The following RBFOX1 variants were observed in gnomAD, a reference collection of about 807,000 sequenced individuals.
The protein encoded by RBFOX1 is RNA binding fox-1 homolog 1, also known as RNA binding protein fox-1 homolog 1.
A neutral mutation model predicts 57.7 loss-of-function variants in RBFOX1; 8 were observed. The ratio of observed to expected loss-of-function variants is 0.14; its 90% CI spans 0.08 to 0.25. The LOEUF (loss-of-function observed/expected upper bound fraction) is 0.25, where lower values mean the gene tolerates loss of function less well. Ranked by LOEUF, RBFOX1 falls within the 10% of genes least tolerant of loss-of-function variation. RBFOX1 has a pLI of 1.00. For missense variants in RBFOX1, 611 were observed against 548.5 expected (o/e 1.11, Z -1.14); for synonymous variants, 326 against 222.4 (o/e 1.47, Z -4.15).
intron 4 of RBFOX1, among the ~76,000 whole-genome samples, chr16:7,350,626 C>A (rs1239956734): frequency 6.6e-6 from 1 of 152,154 alleles, no homozygotes; most frequent in South Asian, 2.1e-4. Context: ...AGCTAGTATG[C>A]ATGGTACTGG....
chr16:7,553,633 G>C (rs1364736062), intron 5 of RBFOX1, among the ~76,000 whole-genome samples: 1 of 152,142 alleles, frequency 6.6e-6, no homozygotes, highest in Non-Finnish European at 1.5e-5. Context: ...CACTTGAAAG[G>C]TGCACAACTC....
intron 1 of RBFOX1, among the ~76,000 whole-genome samples, chr16:5,247,824 G>A (rs1442459463): frequency 2.6e-5 from 4 of 152,120 alleles, no homozygotes; most frequent in African/African-American, 4.8e-5. Flanking sequence ...CATCCCAGGC[G>A]GCCATGAGTC....
intron 1 of RBFOX1, among the ~76,000 whole-genome samples, chr16:5,429,686 G>A (rs891462804): frequency 6.6e-6 from 1 of 152,210 alleles, no homozygotes; most frequent in African/African-American, 2.4e-5. Context: ...CCTCTGAGGG[G>A]CCATTATCCC....
rs528673538 is a variant in RBFOX1, at chr16:7,104,116, G to A, written c.27+52018G>A. On this transcript the variant is annotated intron_variant, in intron 4 of 15. Coordinates refer to ENST00000550418, the MANE Select transcript of RBFOX1 (RefSeq NM_018723.4). ...GTCAGAATAGTAATTTAAGAAATATGTACCTATCTGTATCTGTATGGAAAT... is the reference window on the plus strand; with the variant it reads ...GTCAGAATAGTAATTTAAGAAATATATACCTATCTGTATCTGTATGGAAAT... 1.2e-3 allele frequency among the ~76,000 whole-genome samples: 179 copies of A among 152,252 alleles called. 3 individuals carry two copies. The highest frequency in any genetic ancestry group is 4.0e-4 in the Non-Finnish European group (27 of 68,008).
chr16:5,478,941 A>G (rs1238301380), intron 2 of RBFOX1, among the ~76,000 whole-genome samples: 2 of 152,172 alleles, frequency 1.3e-5, no homozygotes, highest in Admixed American at 6.5e-5. Context: ...CCTCACTATC[A>G]CTAGCTGCAG....
chr16:5,697,400 A>G (rs1375236962), intron 3 of RBFOX1, among the ~76,000 whole-genome samples: 2 of 151,038 alleles, frequency 1.3e-5, no homozygotes, highest in Non-Finnish European at 2.9e-5. Context: ...TCTATAATAC[A>G]TAGTGTTATA....
chr16:7,137,874 T>A (rs760103384), intron 4 of RBFOX1, among the ~76,000 whole-genome samples: 6 of 152,238 alleles, frequency 3.9e-5, no homozygotes, highest in Non-Finnish European at 8.8e-5. Context: ...ATTGAGCATC[T>A]GTGATTTGCC....
intron 1 of RBFOX1, among the ~76,000 whole-genome samples, chr16:5,448,038 G>C (rs538789860): frequency 6.6e-6 from 1 of 152,176 alleles, no homozygotes; most frequent in South Asian, 2.1e-4. Flanking sequence ...AGTCACATGG[G>C]GGAACAGGCT....
intron 2 of RBFOX1, among the ~76,000 whole-genome samples, chr16:5,554,202 C>G (rs529762173): frequency 1.3e-5 from 2 of 151,994 alleles, no homozygotes; most frequent in Non-Finnish European, 2.9e-5. Flanking sequence ...AACTCCTGAC[C>G]TCAAGTGATC....
chr16:6,018,541 A>G (rs903059452), upstream of RBFOX1, among the ~76,000 whole-genome samples: 3 of 152,108 alleles, frequency 2.0e-5, no homozygotes, highest in Non-Finnish European at 4.4e-5. Flanking sequence ...GCAGGACAGG[A>G]GAGGCCCAGC....
chr16:6,932,734 T>G (rs1267674803), intron 3 of RBFOX1, among the ~76,000 whole-genome samples: 1 of 152,230 alleles, frequency 6.6e-6, no homozygotes, highest in African/African-American at 2.4e-5. Flanking sequence ...TTTTGAGTTG[T>G]GTGAAATAAA....
intron 3 of RBFOX1, among the ~76,000 whole-genome samples, chr16:6,871,445 C>T (rs953939764): frequency 6.6e-6 from 1 of 152,160 alleles, no homozygotes; most frequent in African/African-American, 2.4e-5. Context: ...CTCAGCCTCC[C>T]AAATTGCTGG....
At chr16:5,921,583 A>G (rs1375289451) in intron 4 of RBFOX1, among the ~76,000 whole-genome samples, 2 of 152,162 alleles carry the variant, frequency 1.3e-5, no homozygotes, top group Non-Finnish European at 2.9e-5. Flanking sequence ...CTGGAAAGGT[A>G]ATGAAGGGGA....
At chr16:6,126,863 C>G (rs554914158) in intron 1 of RBFOX1, among the ~76,000 whole-genome samples, 10 of 152,288 alleles carry the variant, frequency 6.6e-5, no homozygotes, top group Admixed American at 5.2e-4. Flanking sequence ...GAGGCTTACA[C>G]TCTCCTGAGA....
At chr16:6,539,046 A>G (rs572697924) in intron 2 of RBFOX1, among the ~76,000 whole-genome samples, 1 of 152,278 alleles carries the variant, frequency 6.6e-6, no homozygotes, top group Admixed American at 6.5e-5. Context: ...TGATTTGAAT[A>G]AAAGTCCCAC....
At chr16:6,471,384 A>G (rs757152944) in intron 2 of RBFOX1, among the ~76,000 whole-genome samples, 13 of 152,178 alleles carry the variant, frequency 8.5e-5, no homozygotes, top group Non-Finnish European at 1.9e-4. Flanking sequence ...TACGATAATT[A>G]TACTACTAGT....
chr16:6,214,492 G>C (rs1227677132), intron 1 of RBFOX1, among the ~76,000 whole-genome samples: 3 of 135,724 alleles, frequency 2.2e-5, no homozygotes, highest in African/African-American at 8.4e-5. Flanking sequence ...GGGAGAGGGA[G>C]ACAGGGAGAG....
intron 2 of RBFOX1, among the ~76,000 whole-genome samples, chr16:6,595,183 C>A (rs9930422): frequency 0.45 from 68,230 of 152,004 alleles, 15,716 homozygotes; most frequent in Middle Eastern, 0.57. Context: ...CAGAAAGACA[C>A]GTTGTCCCCA....
At chr16:7,016,268 C>G (rs746487593) in intron 3 of RBFOX1, among the ~76,000 whole-genome samples, 1 of 152,176 alleles carries the variant, frequency 6.6e-6, no homozygotes, top group Admixed American at 6.5e-5. Flanking sequence ...TCCCCAAGAT[C>G]TGTCTCGGAC....
Sources: gnomAD v4.1 joint callset for allele counts (sites outside exome capture counted in the v4.1 genomes callset) on GRCh38, gnomAD v4.1.1 for gene constraint, MANE v1.5 for transcripts, NCBI Gene and HGNC (gene_info 2026-07-23, HGNC 2026-07-21) for gene names.